SDK1: variants seen among roughly 807,000 people sequenced by gnomAD.
SDK1 encodes the protein sidekick cell adhesion molecule 1, also known as protein sidekick-1.
Under a neutral mutation model 245.5 loss-of-function variants are expected in SDK1, and 157 were observed. The ratio of observed to expected loss-of-function variants is 0.64; its 90% CI spans 0.56 to 0.73. The LOEUF is 0.73. Among genes scored for constraint, SDK1 ranks in the 30% least tolerant of loss-of-function variants. SDK1 has a pLI of 0.00. For missense variants in SDK1, 3,583 were observed against 3,002.3 expected (o/e 1.19, Z -4.52); for synonymous variants, 1,647 against 1,278.5 (o/e 1.29, Z -6.15).
At chr7:4,204,106 G>C (rs749926380) in intron 35 of SDK1, among the ~76,000 whole-genome samples, 9 of 152,260 alleles carry the variant, frequency 5.9e-5, no homozygotes, top group Admixed American at 2.6e-4. Flanking sequence ...GGCTGTCGCG[G>C]GGGGAGGGCG....
At chr7:3,387,659 T>G (rs1332462511) in intron 1 of SDK1, among the ~76,000 whole-genome samples, 1 of 152,236 alleles carries the variant, frequency 6.6e-6, no homozygotes, top group Non-Finnish European at 1.5e-5. Flanking sequence ...TGGTGATGAT[T>G]ACACAACGAT....
chr7:3,891,280 A>C (rs932761409), intron 5 of SDK1, among the ~76,000 whole-genome samples: 1 of 151,704 alleles, frequency 6.6e-6, no homozygotes, highest in Non-Finnish European at 1.5e-5. Context: ...CCCGGGGAGG[A>C]CTTTCCAGGC....
chr7:4,074,886 G>GTGTGTGTGTGTATATATATA, intron 20 of SDK1, among the ~76,000 whole-genome samples: 1 of 48,124 alleles, frequency 2.1e-5, no homozygotes, highest in Admixed American at 2.8e-4. Flanking sequence ...CTCTCTCTCT[G>GTGTGTGTGTGTATATATATA]TATATATATA....
intron 4 of SDK1, among the ~76,000 whole-genome samples, chr7:3,763,895 C>G (rs911564599): frequency 6.6e-6 from 1 of 152,118 alleles, no homozygotes; most frequent in African/African-American, 2.4e-5. Flanking sequence ...CATCCGTGTC[C>G]TATAAGTCCA....
intron 4 of SDK1, among the ~76,000 whole-genome samples, chr7:3,718,338 A>C (rs1785262799): frequency 6.6e-6 from 1 of 151,708 alleles, no homozygotes; most frequent in African/African-American, 2.4e-5. Flanking sequence ...CTGTCTCAAA[A>C]AAATAATAAA....
chr7:3,887,865 T>A (rs1448923473), intron 5 of SDK1, among the ~76,000 whole-genome samples: 2 of 152,216 alleles, frequency 1.3e-5, no homozygotes, highest in Admixed American at 6.5e-5. Context: ...TCAATATTTC[T>A]TTCCGCCTTA....
chr7:3,934,859 C>G (rs940673554), intron 5 of SDK1, among the ~76,000 whole-genome samples: 1 of 152,216 alleles, frequency 6.6e-6, no homozygotes, highest in Admixed American at 6.5e-5. Flanking sequence ...CATGGAAAGG[C>G]ACTGGTGAGC....
At chr7:3,338,155 G>A in intron 1 of SDK1, 1 of 225,736 alleles carries the variant, frequency 4.4e-6, no homozygotes, top group East Asian at 9.5e-5. Flanking sequence ...AAAGGGAGAG[G>A]CACCTGGTAT....
chr7:3,568,317 C>T (rs1017638811), intron 1 of SDK1, among the ~76,000 whole-genome samples: 17 of 152,150 alleles, frequency 1.1e-4, no homozygotes, highest in Admixed American at 8.5e-4. Flanking sequence ...GTCCCAGCCT[C>T]CCTCCAGATG....
chr7:3,878,675 T>A (rs1241685601), intron 5 of SDK1, among the ~76,000 whole-genome samples: 1 of 152,218 alleles, frequency 6.6e-6, no homozygotes, highest in Non-Finnish European at 1.5e-5. Context: ...ATGAGCAAAG[T>A]TAGATCAGCA....
At chr7:3,877,283 C>G (rs1209934235) in intron 5 of SDK1, among the ~76,000 whole-genome samples, 1 of 152,208 alleles carries the variant, frequency 6.6e-6, no homozygotes, top group Non-Finnish European at 1.5e-5. Context: ...GTTTCCTCCA[C>G]ACTTGAGGCC....
rs113932782 is a variant in SDK1, at chr7:3,696,335, T to A, written c.713+54230T>A. ...ATCTCTGCTTGTACACATTGCACCGTATATGTTTGCTGTGCCCTGACGTCC... is the reference window on the plus strand; with the variant it reads ...ATCTCTGCTTGTACACATTGCACCGAATATGTTTGCTGTGCCCTGACGTCC... On this transcript the variant is annotated intron_variant, in intron 4 of 44. Coordinates refer to ENST00000404826, the MANE Select transcript of SDK1 (RefSeq NM_152744.4). Among the ~76,000 whole-genome samples the A allele has an allele frequency of 3.8e-3, 576 of 152,220 alleles. 8 individuals carry two copies. Among genetic ancestry groups the A allele is most frequent in the African/African-American group, 0.013 (540 of 41,546 alleles).
intron 1 of SDK1, among the ~76,000 whole-genome samples, chr7:3,411,533 A>G (rs1384675471): frequency 6.6e-6 from 1 of 152,118 alleles, no homozygotes; most frequent in Non-Finnish European, 1.5e-5. Flanking sequence ...ACTGTCTGAC[A>G]TTTGTCAGCT....
intron 4 of SDK1, among the ~76,000 whole-genome samples, chr7:3,657,382 C>T (rs1191373906): frequency 1.3e-5 from 2 of 152,104 alleles, no homozygotes; most frequent in South Asian, 2.1e-4. Flanking sequence ...GTAGCATTCC[C>T]GGGTGGGGCA....
intron 4 of SDK1, among the ~76,000 whole-genome samples, chr7:3,773,383 G>T (rs1279129029): frequency 6.6e-6 from 1 of 150,694 alleles, no homozygotes; most frequent in Non-Finnish European, 1.5e-5. Flanking sequence ...ATTTCTTTTT[G>T]GTTTCTTTTT....
intron 4 of SDK1, among the ~76,000 whole-genome samples, chr7:3,811,753 G>A (rs1363396568): frequency 1.3e-5 from 2 of 152,190 alleles, no homozygotes; most frequent in African/African-American, 2.4e-5. Context: ...AGGCACGTGG[G>A]TAGATGGTCA....
intron 41 of SDK1, among the ~76,000 whole-genome samples, chr7:4,236,320 T>G (rs761009352): frequency 4.9e-4 from 74 of 152,292 alleles, no homozygotes; most frequent in Admixed American, 3.1e-3. Flanking sequence ...CCCATCAAGA[T>G]ACAATTTCCC....
chr7:4,187,955 G>GAGGC (rs1782987675), intron 35 of SDK1, among the ~76,000 whole-genome samples: 1 of 152,168 alleles, frequency 6.6e-6, no homozygotes, highest in South Asian at 2.1e-4. Flanking sequence ...CGTGGCTGGG[G>GAGGC]AAGGTGAAAG....
chr7:3,531,065 AATC>A (rs1472472131), intron 1 of SDK1, among the ~76,000 whole-genome samples: 1 of 152,186 alleles, frequency 6.6e-6, no homozygotes. Context: ...CCAGTGAAGA[AATC>A]ATCATTCATT....
Sources: gnomAD v4.1 joint callset for allele counts (sites outside exome capture counted in the v4.1 genomes callset) on GRCh38, gnomAD v4.1.1 for gene constraint, MANE v1.5 for transcripts, NCBI Gene and HGNC (gene_info 2026-07-23, HGNC 2026-07-21) for gene names.